The following ELP1 variants were observed in gnomAD, a reference collection of about 807,000 sequenced individuals.
The protein encoded by ELP1 is elongator acetyltransferase complex subunit 1.
ELP1 carries 131 observed loss-of-function variants against 183.2 expected under a neutral mutation model. That is an observed-to-expected ratio of 0.72 (90% CI 0.62 to 0.83). The LOEUF is 0.83. ELP1 is among the 40% of genes least tolerant of loss of function. The probability of loss-of-function intolerance (pLI) is 0.00; values close to 1 mark genes in which losing one functional copy is unlikely to be tolerated. For synonymous variants in ELP1, 555 were observed against 569.0 expected, an observed-to-expected ratio of 0.98 and a Z score of 0.35; for missense variants, 1,550 against 1,594.9, an observed-to-expected ratio of 0.97 and a Z score of 0.48.
At chr9:108,874,204 A>ATTTTT (rs1320404280) in intron 36 of ELP1, among the ~76,000 whole-genome samples, 2 of 152,240 alleles carry the variant, frequency 1.3e-5, no homozygotes, top group Non-Finnish European at 2.9e-5. Flanking sequence ...AGAAACTATC[A>ATTTTT]TTCACTTTTC....
chr9:108,908,372 G>A lies in ELP1; in HGVS notation c.1393C>T (p.Leu465=). The change falls in exon 13 of 37, where the codon CTG becomes TTG. Residue 465 remains leucine, a synonymous_variant. Coordinates refer to ENST00000374647, the MANE Select transcript of ELP1 (RefSeq NM_003640.5). ...AATCCACTTCCACCCACAGCTCCCAGTTTCACTGTAGGGTCAGCACTTGGA... is the reference window on the plus strand; with the variant it reads ...AATCCACTTCCACCCACAGCTCCCAATTTCACTGTAGGGTCAGCACTTGGA... ...DCPSADPTVK[L]GAVGGSGFKV... is the part of the protein sequence containing the mutation. 6.2e-7 allele frequency: 1 copy of A among 1,614,130 alleles called. No individual in the cohort carries two copies. Among genetic ancestry groups the A allele is most frequent in the Non-Finnish European group, 8.5e-7 (1 of 1,179,994 alleles).
At chr9:108,900,765 CAT>C (rs1828748720) in intron 18 of ELP1, among the ~76,000 whole-genome samples, 11 of 151,676 alleles carry the variant, frequency 7.3e-5, no homozygotes, top group South Asian at 6.3e-4. Context: ...CACACACACA[CAT>C]ACACGCCACA....
intron 5 of ELP1, among the ~76,000 whole-genome samples, chr9:108,925,642 C>T (rs1027920877): frequency 1.3e-5 from 2 of 152,282 alleles, no homozygotes; most frequent in East Asian, 1.9e-4. Context: ...TCTAGTTACT[C>T]GTTTCCTTCC....
chr9:108,899,838 G>T lies in ELP1; in HGVS notation c.2188C>A (p.Arg730=), dbSNP rs375967301. 6.2e-7 allele frequency: 1 copy of T among 1,613,820 alleles called. No individual in the cohort carries two copies. The highest frequency in any genetic ancestry group is 8.5e-7 in the Non-Finnish European group (1 of 1,179,890). The change falls in exon 20 of 37, where the codon CGG becomes AGG. Residue 730 remains arginine, a synonymous_variant. Coordinates refer to ENST00000374647, the MANE Select transcript of ELP1 (RefSeq NM_003640.5). ...HHRALVLAQI[R]KWLDKLMFKE... ...GGCACTTACTTGTCCAACCACTTCC[G>T]AATCTGAGCTAAAACCAGGGCTCGA...
At chr9:108,897,336 G>A (rs779771723) in intron 22 of ELP1, 51 bp from the exon 23 acceptor site, 45 of 1,600,696 alleles carry the variant, frequency 2.8e-5, no homozygotes, top group Non-Finnish European at 3.7e-5. Context: ...GTAGCCCAGC[G>A]ATCAAATTAC....
chr9:108,887,814 G>A (rs888601402), intron 29 of ELP1, among the ~76,000 whole-genome samples: 1 of 152,214 alleles, frequency 6.6e-6, no homozygotes, highest in African/African-American at 2.4e-5. Context: ...CAGTGTTGGT[G>A]AGTATAGGAG....
chr9:108,868,303 G>T lies in ELP1; in HGVS notation c.*812C>A, dbSNP rs1827309953. 1 of 157,180 alleles carries T rather than the reference G, an allele frequency of 6.4e-6. No individual in the cohort carries two copies. The allele number at this position is 157,180 out of a possible 1,614,324, so 9.7% of individuals were successfully genotyped here. On this transcript the variant is annotated 3_prime_UTR_variant, in exon 37 of 37. Transcript: ENST00000374647. ...TGGAGAATTGAATAAAGAGAAGTCAGTAAAGTACCATGACGAAAAATAAAT... is the reference window on the plus strand; with the variant it reads ...TGGAGAATTGAATAAAGAGAAGTCATTAAAGTACCATGACGAAAAATAAAT...
At chr9:108,924,796 C>G (rs1288086082) in intron 5 of ELP1, among the ~76,000 whole-genome samples, 1 of 152,210 alleles carries the variant, frequency 6.6e-6, no homozygotes, top group East Asian at 1.9e-4. Flanking sequence ...ACCACCCACC[C>G]CTTACAGACC....
rs528897110 is a variant in ELP1, at chr9:108,931,058, T to C, written c.89A>G (p.Gln30Arg). 1 of 1,614,160 alleles carries C rather than the reference T, an allele frequency of 6.2e-7. No homozygotes were observed. The highest frequency in any genetic ancestry group is 1.3e-5 in the African/African-American group (1 of 75,054). ...NPQCFSLRTE[Q>R]GTVLIGSEHG... ...TTCTGAACCAATGAGCACCGTCCCC[T>C]GTTCAGTTCGGAGAGAGAAGCACTG... The change falls in exon 2 of 37, where the codon CAG (glutamine) becomes CGG (arginine). Residue 30 changes from glutamine (Q) to arginine (R), a missense_variant. By Grantham distance (43) the Gln-to-Arg change is conservative (BLOSUM62 1). Coordinates refer to ENST00000374647, the MANE Select transcript of ELP1 (RefSeq NM_003640.5).
chr9:108,879,210 C>A (rs375785508), intron 33 of ELP1, among the ~76,000 whole-genome samples: 3 of 152,310 alleles, frequency 2.0e-5, no homozygotes, highest in East Asian at 3.9e-4. Flanking sequence ...AGGGGAGGAA[C>A]TGCCTCGTGG....
At chr9:108,920,397 T>C (rs1829601754) in intron 6 of ELP1, among the ~76,000 whole-genome samples, 1 of 151,950 alleles carries the variant, frequency 6.6e-6, no homozygotes. Context: ...TTCTACTACC[T>C]TAGCTTCTCA....
intron 19 of ELP1, 94 bp from the exon 20 acceptor site, chr9:108,899,989 A>G (rs1828705530): frequency 1.0e-6 from 1 of 981,254 alleles, no homozygotes; most frequent in East Asian, 2.5e-5. Context: ...ACAGAGAATT[A>G]CCACAACTCT....
At chr9:108,882,610 T>TC (rs11424947) in intron 29 of ELP1, among the ~76,000 whole-genome samples, 4 of 150,940 alleles carry the variant, frequency 2.7e-5, no homozygotes, top group South Asian at 2.1e-4. Flanking sequence ...TTTTTTTTTT[T>TC]CTCAGACAGG....
chr9:108,873,952 A>T (rs1267462010), intron 36 of ELP1, among the ~76,000 whole-genome samples: 1 of 152,188 alleles, frequency 6.6e-6, no homozygotes, highest in Non-Finnish European at 1.5e-5. Flanking sequence ...TAGACAGAAG[A>T]GGAGCTAGGA....
intron 36 of ELP1, among the ~76,000 whole-genome samples, chr9:108,869,675 T>TA (rs140750347): frequency 0.026 from 3,907 of 152,180 alleles, 158 homozygotes; most frequent in African/African-American, 0.091. Context: ...GCCCCTGCTT[T>TA]AAAAAAAGTG....
chr9:108,922,869 G>C lies in ELP1; in HGVS notation c.525C>G (p.Gly175=). Residue 175 remains glycine, a synonymous_variant, in exon 6 of 37, where the codon GGC becomes GGG. Coordinates refer to ENST00000374647, the MANE Select transcript of ELP1 (RefSeq NM_003640.5). The part of the protein sequence containing the change: ...RKETQFHGSE[G]RQAAFQMQMH... ...TTTGCATCTGAAAAGCTGCTTGTCT[G>C]CCTTCTGATCCATGGAACTGTGTCT... 2 of 1,613,912 alleles carry C rather than the reference G, an allele frequency of 1.2e-6. No homozygotes were observed. Among genetic ancestry groups the C allele is most frequent in the Non-Finnish European group, 1.7e-6 (2 of 1,179,816 alleles).
At chr9:108,906,128 T>A (rs1438614082) in intron 14 of ELP1, among the ~76,000 whole-genome samples, 175 bp downstream of exon 14, 1 of 152,222 alleles carries the variant, frequency 6.6e-6, no homozygotes, top group African/African-American at 2.4e-5. Flanking sequence ...ATATTTTTGG[T>A]CTGTTATTTT....
intron 16 of ELP1, among the ~76,000 whole-genome samples, chr9:108,902,095 T>C (rs1347936221): frequency 3.3e-5 from 5 of 152,200 alleles, no homozygotes; most frequent in African/African-American, 1.2e-4. Context: ...AGAACCCAAA[T>C]TCCCTCCTAT....
chr9:108,889,587 T>C (rs1564078912), intron 28 of ELP1, 194 bp from the exon 29 acceptor site: 1 of 637,040 alleles, frequency 1.6e-6, no homozygotes, highest in Non-Finnish European at 2.8e-6. Context: ...TTGAAAATCA[T>C]ATACAGCCAA....
Sources: allele counts gnomAD v4.1 joint callset (sites outside exome capture counted in the v4.1 genomes callset), GRCh38; gene constraint gnomAD v4.1.1; transcripts MANE v1.5; gene names NCBI Gene and HGNC (gene_info 2026-07-23, HGNC 2026-07-21).